The following PDE1B variants were observed in gnomAD, a reference collection of about 807,000 sequenced individuals.
The protein encoded by PDE1B is phosphodiesterase 1B.
Under a neutral mutation model 66.7 loss-of-function variants are expected in PDE1B, and 13 were observed. That is an observed-to-expected ratio of 0.19 (90% confidence interval 0.13 to 0.31). PDE1B has a LOEUF of 0.31. Among genes scored for constraint, PDE1B ranks in the 10% least tolerant of loss-of-function variants. The probability of loss-of-function intolerance (pLI) is 1.00; values close to 1 mark genes in which losing one functional copy is unlikely to be tolerated. For missense variants in PDE1B, 485 were observed against 682.3 expected (o/e 0.71, Z 3.22); for synonymous variants, 230 against 253.9 (o/e 0.91, Z 0.90).
chr12:54,550,299 C>T, intron 2 of PDE1B: 1 of 1,135,910 alleles, frequency 8.8e-7, no homozygotes, highest in Non-Finnish European at 1.1e-6. Context: ...TGCAGGAGGG[C>T]AGTAGAGGTG....
chr12:54,561,587 G>A, intron 2 of PDE1B: 3 of 1,529,144 alleles, frequency 2.0e-6, no homozygotes, highest in Non-Finnish European at 2.6e-6. Flanking sequence ...TGATTCCCAT[G>A]GCAAACCCTG....
In PDE1B at chr12:54,569,541, C is replaced by T. The variant is rs761540079; in HGVS notation, c.411-5C>T. 23 of 1,612,618 alleles carry T rather than the reference C, an allele frequency of 1.4e-5. No individual in the cohort carries two copies. In the South Asian group the frequency reaches 2.2e-4, roughly 15 times the overall value. On this transcript the variant is annotated splice_region_variant and splice_polypyrimidine_tract_variant and intron_variant, in intron 4 of 15. Coordinates refer to ENST00000243052, the MANE Select transcript of PDE1B (RefSeq NM_000924.4). This position sits in a 1 kb window ranked among gnomAD's most constrained non-coding sequence, Gnocchi z 4.4. ...TGTGGGCTTCTTCTCATTGTTCTCT[C>T]TCAGGATGTTCCGGAGAACATACAC...
intron 2 of PDE1B, among the ~76,000 whole-genome samples, chr12:54,566,584 C>T (rs1957520056): frequency 6.6e-6 from 1 of 152,204 alleles, no homozygotes; most frequent in South Asian, 2.1e-4. Context: ...TAAGCAGTTT[C>T]AGCTCTTGGT....
chr12:54,577,193 C>T (rs1167123482), intron 14 of PDE1B, 32 bp from the exon 15 acceptor site: 1 of 1,575,292 alleles, frequency 6.3e-7, no homozygotes, highest in Non-Finnish European at 8.7e-7. Flanking sequence ...ACTTCTTGGC[C>T]TAAGCTCAGC....
rs1206387620 is a variant in PDE1B at position 54,555,523 on chromosome 12, G to C, written c.113+5538G>C. On this transcript the variant is annotated intron_variant, in intron 2 of 15. Coordinates refer to ENST00000243052, the MANE Select transcript of PDE1B (RefSeq NM_000924.4). ...GAGATGCTCAGTAGGAAAGAAGCCTGCACATCTATATAACTACACCCTGCC... is the reference window on the plus strand; with the variant it reads ...GAGATGCTCAGTAGGAAAGAAGCCTCCACATCTATATAACTACACCCTGCC... Among the ~76,000 whole-genome samples, 10 of 152,154 alleles carry C rather than the reference G, an allele frequency of 6.6e-5. No homozygotes were observed. In the East Asian group the frequency reaches 1.9e-3, roughly 29 times the overall value.
chr12:54,577,874 C>A lies in PDE1B; in HGVS notation c.*32C>A. 4.1e-6 allele frequency: 1 copy of A among 245,620 alleles called. No individual in the cohort carries two copies. Among genetic ancestry groups the A allele is most frequent in the East Asian group, 8.3e-5 (1 of 12,046 alleles). The allele number at this position is 245,620 out of a possible 1,614,324, so 15.2% of individuals were successfully genotyped here. ...TCTTTCCCCAGGTCTTCATTGAGTC[C>A]AAAGTGTTTGATGTCATCAGCACCA... On this transcript the variant is annotated 3_prime_UTR_variant, in exon 16 of 16. Transcript: ENST00000243052.
intron 2 of PDE1B, among the ~76,000 whole-genome samples, chr12:54,558,704 C>T (rs901041166): frequency 2.0e-5 from 3 of 152,170 alleles, no homozygotes; most frequent in Admixed American, 6.5e-5. Flanking sequence ...AGAGTGGTGG[C>T]GTCAGGGAGA....
At chr12:54,577,160 C>T in intron 14 of PDE1B, 65 bp from the exon 15 acceptor site, 9 of 1,339,814 alleles carry the variant, frequency 6.7e-6, no homozygotes, top group Non-Finnish European at 9.5e-6. Context: ...TCTCCACATA[C>T]TCCTTGGGTT....
At chr12:54,559,870 T>A (rs1957384232) in intron 2 of PDE1B, among the ~76,000 whole-genome samples, 1 of 152,194 alleles carries the variant, frequency 6.6e-6, no homozygotes, top group Admixed American at 6.5e-5. Context: ...TGCTGCCATC[T>A]GCCCCCACTC....
At chr12:54,556,337 G>A (rs548073320) in intron 2 of PDE1B, among the ~76,000 whole-genome samples, 1 of 152,278 alleles carries the variant, frequency 6.6e-6, no homozygotes, top group South Asian at 2.1e-4. Context: ...CCTTTGGGAA[G>A]GGGCATAGAT....
chr12:54,568,467 T>TACACACACACACACACACACACAC (rs56360853), intron 3 of PDE1B, among the ~76,000 whole-genome samples: 1 of 143,374 alleles, frequency 7.0e-6, no homozygotes, highest in African/African-American at 2.7e-5. Flanking sequence ...TGTCTAAAAA[T>TACACACACACACACACACACACAC]ACACACACAC....
rs779289555 is a variant in PDE1B at position 54,569,566 on chromosome 12, C to T, written c.431C>T (p.Thr144Ile). 15 of 1,613,608 alleles carry T rather than the reference C, an allele frequency of 9.3e-6. No homozygotes were observed. The highest frequency in any genetic ancestry group is 1.3e-5 in the Non-Finnish European group (15 of 1,179,510). Residue 144 changes from threonine to isoleucine, a missense_variant, in exon 5 of 16, where the codon ACC becomes ATC. By Grantham distance (89) the Thr-to-Ile change is moderately conservative. This residue lies in a region of PDE1B where 282 missense variants were observed against 453.4 expected (regional missense o/e 0.62). Coordinates refer to ENST00000243052, the MANE Select transcript of PDE1B (RefSeq NM_000924.4). The surrounding 1 kb of genome is among the most constrained non-coding windows in gnomAD (Gnocchi z 4.4). ...CTCAGGATGTTCCGGAGAACATACA[C>T]CTCTGTGGGCCCCACTTACTCTACT... is the stretch of plus-strand genomic sequence containing the variant. The part of the protein sequence containing the change: ...FVERMFRRTY[T>I]SVGPTYSTAV...
At chr12:54,574,151 G>C (rs1218162214) in intron 10 of PDE1B, 2 of 188,368 alleles carry the variant, frequency 1.1e-5, no homozygotes, top group African/African-American at 4.7e-5. Flanking sequence ...AGTCATACGA[G>C]GTTTAAAAAA....
chr12:54,552,689 T>C (rs1206861675), intron 2 of PDE1B, among the ~76,000 whole-genome samples: 1 of 152,210 alleles, frequency 6.6e-6, no homozygotes, highest in Non-Finnish European at 1.5e-5. Context: ...CTGAAGAGAA[T>C]CTCTTAACTG....
chr12:54,561,339 T>C, intron 2 of PDE1B: 1 of 505,082 alleles, frequency 2.0e-6, no homozygotes, highest in African/African-American at 2.0e-5. Context: ...TTCCGTCTGA[T>C]TCAGATGTGA....
chr12:54,563,022 C>G (rs934758369), intron 2 of PDE1B, among the ~76,000 whole-genome samples: 1 of 152,162 alleles, frequency 6.6e-6, no homozygotes, highest in Non-Finnish European at 1.5e-5. Context: ...TTTTAGAAAC[C>G]CTGGCTCAGA....
Position 54,575,293 on chromosome 12 carries a change from C to T in PDE1B, c.1185+75C>T. The T allele has an allele frequency of 1.5e-6, 2 of 1,320,952 alleles. No individual in the cohort carries two copies. The highest frequency in any genetic ancestry group is 4.6e-5 in the East Asian group (2 of 43,312). 81.8% of individuals were successfully genotyped at this position (1,320,952 alleles called of 1,614,324 possible). ...CTTTTGCCCTCCAAGTTCCCCAATC[C>T]TGTTCCACATCCTCCTTTTGCTACC... On this transcript the variant is annotated intron_variant, in intron 11 of 15. Coordinates refer to ENST00000243052, the MANE Select transcript of PDE1B (RefSeq NM_000924.4). The surrounding 1 kb of genome is among the most constrained non-coding windows in gnomAD (Gnocchi z 4.0).
chr12:54,550,109 GC>G, intron 2 of PDE1B, 124 bp downstream of exon 2: 1 of 1,461,484 alleles, frequency 6.8e-7, no homozygotes, highest in Non-Finnish European at 9.1e-7. Context: ...GTTGGCAGGT[GC>G]GAGGAAGCAC....
intron 2 of PDE1B, among the ~76,000 whole-genome samples, chr12:54,556,709 A>T (rs1957346197): frequency 6.6e-6 from 1 of 152,184 alleles, no homozygotes; most frequent in Non-Finnish European, 1.5e-5. Context: ...GGGGTGCTTC[A>T]GGTGGTGCTG....
Sources: allele counts gnomAD v4.1 joint callset (sites outside exome capture counted in the v4.1 genomes callset), GRCh38; gene constraint gnomAD v4.1.1; regional missense constraint gnomAD v4.1.1; non-coding constraint Gnocchi (gnomAD v3.1); transcripts MANE v1.5; gene names NCBI Gene and HGNC (gene_info 2026-07-23, HGNC 2026-07-21).